PLXNC1: variants seen among roughly 807,000 people sequenced by gnomAD.
The protein encoded by PLXNC1 is plexin C1.
A neutral mutation model predicts 178.2 loss-of-function variants in PLXNC1; 75 were observed. The ratio of observed to expected loss-of-function variants is 0.42; its 90% CI spans 0.35 to 0.51. The LOEUF is 0.51. Among genes scored for constraint, PLXNC1 ranks in the 20% least tolerant of loss-of-function variants. The pLI, the probability that PLXNC1 is intolerant of heterozygous loss-of-function variation, is 0.02. For synonymous variants in PLXNC1, 790 were observed against 779.9 expected, an observed-to-expected ratio of 1.01 and a Z score of -0.22; for missense variants, 1,503 against 1,984.4, an observed-to-expected ratio of 0.76 and a Z score of 4.61.
At chr12:94,244,051 ATAGT>A in intron 12 of PLXNC1, 26 bp downstream of exon 12, 1 of 1,341,248 alleles carries the variant, frequency 7.5e-7, no homozygotes. Flanking sequence ...CTTTGTAATA[ATAGT>A]TGTTTTCAAG....
At chr12:94,193,239 G>A (rs761585680) in intron 4 of PLXNC1, among the ~76,000 whole-genome samples, 1 of 152,190 alleles carries the variant, frequency 6.6e-6, no homozygotes, top group Non-Finnish European at 1.5e-5. Context: ...ACCAGATCAG[G>A]TGAGTGTTTT....
intron 2 of PLXNC1, 60 bp from the exon 3 acceptor site, chr12:94,181,386 C>CAA (rs71703027): frequency 0.016 from 15,131 of 956,524 alleles, 26 homozygotes; most frequent in East Asian, 0.037. Context: ...GATTCCGTCT[C>CAA]AAAAAAAAAA....
At chr12:94,171,592 T>A (rs1592729889) in intron 2 of PLXNC1, among the ~76,000 whole-genome samples, 1 of 152,158 alleles carries the variant, frequency 6.6e-6, no homozygotes, top group Non-Finnish European at 1.5e-5. Context: ...TAAGATCCCC[T>A]ATGCTGCACT....
chr12:94,184,874 G>A (rs978692484), intron 3 of PLXNC1, among the ~76,000 whole-genome samples: 1 of 152,212 alleles, frequency 6.6e-6, no homozygotes, highest in African/African-American at 2.4e-5. Context: ...ATACTGTGAG[G>A]CTCAGCATAG....
At chr12:94,231,149 CACTT>C (rs971150996) in intron 9 of PLXNC1, among the ~76,000 whole-genome samples, 1 of 152,164 alleles carries the variant, frequency 6.6e-6, no homozygotes, top group African/African-American at 2.4e-5. Flanking sequence ...AAGTTGAAAA[CACTT>C]AATCAGTGTG....
rs1316313890 is a variant in PLXNC1, at chr12:94,305,778, G to GTTCT, written c.*495_*498dup. 2 of 152,938 alleles carry GTTCT rather than the reference G, an allele frequency of 1.3e-5. No homozygotes were observed. Among genetic ancestry groups the GTTCT allele is most frequent in the Non-Finnish European group, 2.9e-5 (2 of 68,590 alleles). 9.5% of individuals were successfully genotyped at this position (152,938 alleles called of 1,614,324 possible). A position where few individuals can be genotyped will look rare whatever the true frequency, so the allele number is the denominator to read the frequency against. On this transcript the variant is annotated 3_prime_UTR_variant, in exon 31 of 31. Coordinates refer to ENST00000258526, the MANE Select transcript of PLXNC1 (RefSeq NM_005761.3). ...TGCAGCATTGAAACTTTCCCCAGTA[G>GTTCT]TTCTTGGAAAAGCTGACCGCAGAAT...
intron 21 of PLXNC1, 31 bp from the exon 22 acceptor site, chr12:94,279,441 T>C (rs890319282): frequency 1.9e-6 from 3 of 1,585,654 alleles, no homozygotes; most frequent in African/African-American, 1.4e-5. Context: ...AATTATCTAA[T>C]AGACTTGGAA....
In PLXNC1 at chr12:94,227,140, C is replaced by T. The variant is rs780038810; in HGVS notation, c.1894-9C>T. 2 of 1,579,876 alleles carry T rather than the reference C, an allele frequency of 1.3e-6. No homozygotes were observed. The highest frequency in any genetic ancestry group is 1.7e-5 in the Admixed American group (1 of 59,904). On this transcript the variant is annotated splice_polypyrimidine_tract_variant and intron_variant, in intron 8 of 30. Transcript: ENST00000258526. ...CATCTGGATGTTGAAGGGATGTTCT[C>T]CATTCCAGGAACAGTGTCCAGTGGC...
Position 94,181,431 on chromosome 12 carries a change from GA to G in PLXNC1, c.1204-4del, listed in dbSNP as rs751191739. 12,192 of 1,075,662 alleles carry G rather than the reference GA, an allele frequency of 0.011. 8 individuals are homozygous for G. Among genetic ancestry groups the G allele is most frequent in the African/African-American group, 0.016 (914 of 58,868 alleles). 66.6% of individuals were successfully genotyped at this position (1,075,662 alleles called of 1,614,324 possible). A position where few individuals can be genotyped will look rare whatever the true frequency, so the allele number is the denominator to read the frequency against. On this transcript the variant is annotated splice_polypyrimidine_tract_variant and intron_variant, in intron 2 of 30. Coordinates refer to ENST00000258526, the MANE Select transcript of PLXNC1 (RefSeq NM_005761.3). Reference sequence around the variant, plus strand: ...AAATAGAAATCATGTTTCTCTTTTTGAAAAAAAAAAATAGGTTATTCTTGGT... The same window carrying G: ...AAATAGAAATCATGTTTCTCTTTTTGAAAAAAAAAATAGGTTATTCTTGGT...
chr12:94,227,135 G>A lies in PLXNC1; in HGVS notation c.1894-14G>A, dbSNP rs758632151. ...CCACCCATCTGGATGTTGAAGGGAT[G>A]TTCTCCATTCCAGGAACAGTGTCCA... On this transcript the variant is annotated splice_polypyrimidine_tract_variant and intron_variant, in intron 8 of 30. Coordinates refer to ENST00000258526, the MANE Select transcript of PLXNC1 (RefSeq NM_005761.3). 1.9e-6 allele frequency: 3 copies of A among 1,556,734 alleles called. No individual in the cohort carries two copies. The highest frequency in any genetic ancestry group is 2.2e-5 in the East Asian group (1 of 44,644).
At chr12:94,158,663 G>A (rs1961266257) in intron 1 of PLXNC1, among the ~76,000 whole-genome samples, 1 of 152,186 alleles carries the variant, frequency 6.6e-6, no homozygotes, top group African/African-American at 2.4e-5. Flanking sequence ...TTAGCCAGGT[G>A]TAGTGGCACA....
At chr12:94,187,597 T>A (rs1409756417) in intron 4 of PLXNC1, among the ~76,000 whole-genome samples, 3 of 152,202 alleles carry the variant, frequency 2.0e-5, no homozygotes, top group African/African-American at 7.2e-5. Flanking sequence ...AATAATTCAC[T>A]GATCACGAAC....
chr12:94,220,389 G>T (rs1319773645), intron 6 of PLXNC1, among the ~76,000 whole-genome samples: 1 of 152,166 alleles, frequency 6.6e-6, no homozygotes, highest in Non-Finnish European at 1.5e-5. Flanking sequence ...ACAAGAGAAG[G>T]GCAAGTTGGA....
chr12:94,255,371 C>T (rs976787769), intron 17 of PLXNC1, 75 bp downstream of exon 17: 8 of 1,015,460 alleles, frequency 7.9e-6, no homozygotes, highest in Admixed American at 5.2e-5. Context: ...GTTGTCAAAA[C>T]GAGTGTTTGC....
rs1966985144 is a variant in PLXNC1, at chr12:94,288,937, ATCAC to A, written c.3880-5548_3880-5545del. Among the ~76,000 whole-genome samples the A allele has an allele frequency of 1.5e-4, 23 of 152,234 alleles. 1 individual carries two copies. The highest frequency in any genetic ancestry group is 1.5e-3 in the Admixed American group (23 of 15,290). ...GTTTTCAGATTTTTTTCTTTAAATT[ATCAC>A]AATATTCAGAACATATTCATAATTT... On this transcript the variant is annotated intron_variant, in intron 23 of 30. Transcript: ENST00000258526.
intron 1 of PLXNC1, among the ~76,000 whole-genome samples, chr12:94,162,476 A>C (rs1961420364): frequency 6.6e-6 from 1 of 152,234 alleles, no homozygotes; most frequent in Non-Finnish European, 1.5e-5. Context: ...TGTGATGGGA[A>C]GCCATTGGAG....
chr12:94,264,698 A>G (rs543341353), intron 20 of PLXNC1, among the ~76,000 whole-genome samples: 1 of 152,360 alleles, frequency 6.6e-6, no homozygotes, highest in African/African-American at 2.4e-5. Context: ...CTGGCTTGCT[A>G]AAGGGTGATT....
intron 4 of PLXNC1, among the ~76,000 whole-genome samples, chr12:94,196,741 G>A (rs949050187): frequency 2.0e-5 from 3 of 152,144 alleles, no homozygotes; most frequent in African/African-American, 7.2e-5. Context: ...GTGTGCATGG[G>A]TAGAGAAGAA....
rs74899310 is a variant in PLXNC1 at position 94,291,332 on chromosome 12, C to G, written c.3880-3154C>G. Among the ~76,000 whole-genome samples, 318 of 152,330 alleles carry G rather than the reference C, an allele frequency of 2.1e-3. 1 individual carries two copies. The highest frequency in any genetic ancestry group is 7.4e-3 in the African/African-American group (306 of 41,564). On this transcript the variant is annotated intron_variant, in intron 23 of 30. Transcript: ENST00000258526. ...CTCACTGCACCCTTGACCTCCCACG[C>G]TCAAGCCATCCTCCTGCCTCAGCTG...
Sources: allele counts gnomAD v4.1 joint callset (sites outside exome capture counted in the v4.1 genomes callset), GRCh38; gene constraint gnomAD v4.1.1; transcripts MANE v1.5; gene names NCBI Gene and HGNC (gene_info 2026-07-23, HGNC 2026-07-21).